TMOD1: variants seen among roughly 807,000 people sequenced by gnomAD.
TMOD1 encodes tropomodulin 1.
TMOD1 carries 17 observed loss-of-function variants against 40.6 expected under a neutral mutation model. That is an observed-to-expected ratio of 0.42 (90% CI 0.29 to 0.63). The LOEUF is 0.63. TMOD1 is among the 20% of genes least tolerant of loss of function. TMOD1 has a pLI of 0.22. For missense variants in TMOD1, 391 were observed against 447.6 expected, an observed-to-expected ratio of 0.87 and a Z score of 1.14; for synonymous variants, 181 against 175.0, an observed-to-expected ratio of 1.03 and a Z score of -0.27.
intron 1 of TMOD1, chr9:97,516,119 C>G (rs548608149): frequency 1.3e-5 from 2 of 152,250 alleles, no homozygotes; most frequent in African/African-American, 4.8e-5. Flanking sequence ...CTTCCCCTGC[C>G]GGTCACTGGC....
At chr9:97,538,932 G>A (rs1313646815) in intron 2 of TMOD1, among the ~76,000 whole-genome samples, 1 of 152,140 alleles carries the variant, frequency 6.6e-6, no homozygotes, top group East Asian at 1.9e-4. Context: ...TTGAACCTGG[G>A]AGGTGGAGGT....
chr9:97,575,051 C>T (rs554172928), intron 8 of TMOD1, among the ~76,000 whole-genome samples: 14 of 152,210 alleles, frequency 9.2e-5, no homozygotes, highest in Non-Finnish European at 1.6e-4. Flanking sequence ...GCAACCCGCT[C>T]GGGTCCACTT....
At chr9:97,559,772 TAAAAAAAA>T (rs58522887) in intron 4 of TMOD1, among the ~76,000 whole-genome samples, 477 of 36,792 alleles carry the variant, frequency 0.013, 11 homozygotes, top group African/African-American at 0.035. Context: ...CTCAAAAATT[TAAAAAAAA>T]AAAAAAAAAA....
At chr9:97,563,677 A>C (rs1587945386) in intron 5 of TMOD1, among the ~76,000 whole-genome samples, 1 of 152,194 alleles carries the variant, frequency 6.6e-6, no homozygotes, top group East Asian at 1.9e-4. Context: ...TCCCTCTGGA[A>C]GATTGATGCA....
intron 9 of TMOD1, 130 bp from the exon 10 acceptor site, chr9:97,599,504 C>A: frequency 8.6e-7 from 1 of 1,167,706 alleles, no homozygotes; most frequent in Non-Finnish European, 1.2e-6. Flanking sequence ...ACTGTCCTTT[C>A]AAAACAACAG....
chr9:97,573,849 T>C (rs1346430844), intron 8 of TMOD1, among the ~76,000 whole-genome samples: 2 of 152,136 alleles, frequency 1.3e-5, no homozygotes. Context: ...TTACACAAAG[T>C]CATTTCCACC....
intron 1 of TMOD1, among the ~76,000 whole-genome samples, chr9:97,505,031 A>G (rs1779161343): frequency 6.6e-6 from 1 of 152,148 alleles, no homozygotes; most frequent in South Asian, 2.1e-4. Flanking sequence ...TGTTTTGTAA[A>G]ATCTTCCTTT....
intron 4 of TMOD1, among the ~76,000 whole-genome samples, chr9:97,555,182 C>T (rs1235608958): frequency 2.0e-5 from 3 of 152,218 alleles, no homozygotes; most frequent in Non-Finnish European, 4.4e-5. Context: ...AGAAGCCACA[C>T]GAGTCACAGT....
intron 8 of TMOD1, among the ~76,000 whole-genome samples, chr9:97,580,751 G>A (rs975902378): frequency 2.0e-5 from 3 of 152,102 alleles, no homozygotes; most frequent in Non-Finnish European, 4.4e-5. Flanking sequence ...GTCAAGATAC[G>A]AAATATTTCC....
rs1007791081 is a variant in TMOD1 at position 97,586,892 on chromosome 9, C to T, written c.871-4399C>T. ...CGCACGGTGCACGCACCCACTGACC[C>T]GCGCCCACTGTCTGGCACTCCCTAG... is the stretch of plus-strand genomic sequence containing the variant. On this transcript the variant is annotated intron_variant, in intron 8 of 9. Coordinates refer to ENST00000259365, the MANE Select transcript of TMOD1 (RefSeq NM_003275.4). Among the ~76,000 whole-genome samples the T allele has an allele frequency of 2.2e-4, 33 of 152,306 alleles. 1 individual carries two copies. Among genetic ancestry groups the T allele is most frequent in the Non-Finnish European group, 1.3e-4 (9 of 68,016 alleles).
At chr9:97,552,517 C>T (rs1223012446) in intron 3 of TMOD1, among the ~76,000 whole-genome samples, 1 of 152,158 alleles carries the variant, frequency 6.6e-6, no homozygotes, top group Non-Finnish European at 1.5e-5. Flanking sequence ...GTCCCCTAGC[C>T]CCCAGAAAGG....
chr9:97,530,876 C>T (rs1342568279), intron 2 of TMOD1, among the ~76,000 whole-genome samples: 3 of 149,932 alleles, frequency 2.0e-5, no homozygotes, highest in East Asian at 3.9e-4. Context: ...TGACTTCCGC[C>T]TCCTAGGTTC....
chr9:97,529,886 G>C (rs1260569745), intron 2 of TMOD1, among the ~76,000 whole-genome samples: 1 of 152,210 alleles, frequency 6.6e-6, no homozygotes, highest in Non-Finnish European at 1.5e-5. Flanking sequence ...TGTGCCATAA[G>C]CAAAGCCCTA....
At chr9:97,590,389 A>T (rs957000394) in intron 8 of TMOD1, among the ~76,000 whole-genome samples, 8 of 151,052 alleles carry the variant, frequency 5.3e-5, no homozygotes, top group African/African-American at 1.7e-4. Flanking sequence ...ACACCTGGCT[A>T]TTTTTTTTGT....
intron 2 of TMOD1, among the ~76,000 whole-genome samples, chr9:97,527,115 T>A: frequency 6.6e-6 from 1 of 152,132 alleles, no homozygotes; most frequent in East Asian, 1.9e-4. Context: ...GCATCATCTC[T>A]CCCCATTAGC....
Position 97,502,926 on chromosome 9 carries a change from C to G in TMOD1, c.-49+1123C>G, listed in dbSNP as rs1428007657. ...GGCCTATGATGCGTCCTCCAACCTGCGCAGCGCCGCCCCCTCCTACACCCT... is the reference window on the plus strand; with the variant it reads ...GGCCTATGATGCGTCCTCCAACCTGGGCAGCGCCGCCCCCTCCTACACCCT... On this transcript the variant is annotated intron_variant, in intron 1 of 9. Coordinates refer to ENST00000259365, the MANE Select transcript of TMOD1 (RefSeq NM_003275.4). The surrounding 1 kb of genome is among the most constrained non-coding windows in gnomAD (Gnocchi z 6.1). 6.6e-6 allele frequency among the ~76,000 whole-genome samples: 1 copy of G among 152,086 alleles called. No homozygotes were observed. Among genetic ancestry groups the G allele is most frequent in the Non-Finnish European group, 1.5e-5 (1 of 68,006 alleles).
chr9:97,593,333 A>T (rs1385631699), intron 9 of TMOD1, among the ~76,000 whole-genome samples: 1 of 152,112 alleles, frequency 6.6e-6, no homozygotes, highest in Non-Finnish European at 1.5e-5. Context: ...AGAGTCCAAA[A>T]TTCAGGCCTG....
intron 1 of TMOD1, among the ~76,000 whole-genome samples, chr9:97,512,440 A>ATT (rs1225872469): frequency 5.9e-5 from 9 of 152,232 alleles, no homozygotes; most frequent in Admixed American, 5.2e-4. Flanking sequence ...GGAAGTGCTT[A>ATT]TTTCTACCAA....
At chr9:97,579,990 C>A (rs1825708214) in intron 8 of TMOD1, among the ~76,000 whole-genome samples, 1 of 151,448 alleles carries the variant, frequency 6.6e-6, no homozygotes, top group Non-Finnish European at 1.5e-5. Context: ...GCACCAGGTA[C>A]CATTATCAGA....
Sources: gnomAD v4.1 joint callset for allele counts (sites outside exome capture counted in the v4.1 genomes callset) on GRCh38, gnomAD v4.1.1 for gene constraint, Gnocchi (gnomAD v3.1) non-coding constraint, MANE v1.5 for transcripts, NCBI Gene and HGNC (gene_info 2026-07-23, HGNC 2026-07-21) for gene names.